The following IFIT3 variants were observed in gnomAD, a reference collection of about 807,000 sequenced individuals.
The protein encoded by IFIT3 is interferon induced protein with tetratricopeptide repeats 3.
Under a neutral mutation model 2.4 loss-of-function variants are expected in IFIT3, and 2 were observed. The ratio of observed to expected loss-of-function variants is 0.82; its 90% confidence interval spans 0.34 to 2.60. The LOEUF (loss-of-function observed/expected upper bound fraction) is 2.60. Ranked by LOEUF, IFIT3 falls within the 30% of genes most tolerant of loss-of-function variation. IFIT3 has a pLI of 0.11. For missense variants in IFIT3, 481 were observed against 562.4 expected (o/e 0.86, Z 1.46); for synonymous variants, 203 against 212.1 (o/e 0.96, Z 0.37).
chr10:89,329,285 C>T (rs1843627129), intron 1 of IFIT3, among the ~76,000 whole-genome samples: 1 of 152,150 alleles, frequency 6.6e-6, no homozygotes. Flanking sequence ...CTGCCAAATA[C>T]CTCAGTATAT....
Position 89,339,736 on chromosome 10 carries a change from C to A in IFIT3, c.1081C>A (p.His361Asn). The change falls in exon 2 of 2, where the codon CAT (histidine) becomes AAT (asparagine). Residue 361 changes from histidine to asparagine, a missense_variant. By Grantham distance (68) the His-to-Asn change is moderately conservative. Coordinates refer to ENST00000371818, the MANE Select transcript of IFIT3 (RefSeq NM_001549.6). ...CCCTGATGCTGAAAAGCAACAATCC[C>A]ATCAGCGCTACTGCAACCTTCAGAA... Reference protein sequence around the residue: ...EVPDAEKQQSHQRYCNLQKYN... With the variant: ...EVPDAEKQQSNQRYCNLQKYN... 1 of 1,614,152 alleles carries A rather than the reference C, an allele frequency of 6.2e-7. No homozygotes were observed. Among genetic ancestry groups the A allele is most frequent in the South Asian group, 1.1e-5 (1 of 91,084 alleles).
At chr10:89,332,891 G>C (rs12766862) in intron 1 of IFIT3, among the ~76,000 whole-genome samples, 41,406 of 152,114 alleles carry the variant, frequency 0.27, 5,934 homozygotes, top group African/African-American at 0.33. Context: ...ATGCTCAGAT[G>C]CTTTCAGGTA....
chr10:89,339,543 A>T lies in IFIT3; in HGVS notation c.888A>T (p.Gly296=). 6.2e-7 allele frequency: 1 copy of T among 1,614,182 alleles called. No homozygotes were observed. The highest frequency in any genetic ancestry group is 1.1e-5 in the South Asian group (1 of 91,082). The part of the protein sequence containing the change: ...KAKVRQMQNT[G]ESEASGNKEM... ...AAGTAAGACAAATGCAGAATACAGG[A>T]GAATCTGAAGCTAGTGGAAATAAAG... The change falls in exon 2 of 2, where the codon GGA becomes GGT. Residue 296 remains glycine (G), a synonymous_variant. Transcript: ENST00000371818.
intron 1 of IFIT3, among the ~76,000 whole-genome samples, chr10:89,329,359 T>A (rs1311130643): frequency 6.6e-6 from 1 of 152,082 alleles, no homozygotes; most frequent in Non-Finnish European, 1.5e-5. Context: ...TCTGTGTGAG[T>A]GGGATTGACC....
chr10:89,339,818 T>TA lies in IFIT3; in HGVS notation c.1165dup (p.Ser389LysfsTer6). On this transcript the variant is annotated frameshift_variant, in exon 2 of 2. Transcript: ENST00000371818. LOFTEE classifies it low-confidence loss of function (END_TRUNC). ...CAACATGGTTTAGAGGGTTTGTCCA[T>TA]AAGCAAAAAATCAACTGACAAGGAA... 1 of 1,614,144 alleles carries TA rather than the reference T, an allele frequency of 6.2e-7. No individual in the cohort carries two copies. The highest frequency in any genetic ancestry group is 1.1e-5 in the South Asian group (1 of 91,086).
chr10:89,328,609 G>T (rs1437277905), intron 1 of IFIT3, among the ~76,000 whole-genome samples: 1 of 152,156 alleles, frequency 6.6e-6, no homozygotes, highest in Admixed American at 6.5e-5. Flanking sequence ...ATTTTGCCCT[G>T]AAACGTTGCA....
In IFIT3 at chr10:89,340,331, G is replaced by C; in HGVS notation, c.*203G>C. The C allele has an allele frequency of 2.2e-6, 1 of 460,768 alleles. No homozygotes were observed. Among genetic ancestry groups the C allele is most frequent in the Non-Finnish European group, 3.8e-6 (1 of 260,376 alleles). The allele number at this position is 460,768 out of a possible 1,614,324, so 28.5% of individuals were successfully genotyped here. The stretch of plus-strand genomic sequence containing the variant: ...CCCAGCACTTTGGGAGGCCGAGGTG[G>C]GCGGATCACGAGGTCTGGAGTTTGA... On this transcript the variant is annotated 3_prime_UTR_variant, in exon 2 of 2. Transcript: ENST00000371818.
intron 1 of IFIT3, among the ~76,000 whole-genome samples, chr10:89,331,425 G>A (rs182741667): frequency 4.1e-4 from 62 of 152,242 alleles, no homozygotes; most frequent in Admixed American, 4.1e-3. Context: ...CACCCACCTT[G>A]GCCTCCCAAA....
At chr10:89,334,377 T>C (rs1243820227) in intron 1 of IFIT3, among the ~76,000 whole-genome samples, 3 of 151,594 alleles carry the variant, frequency 2.0e-5, no homozygotes, top group African/African-American at 7.3e-5. Flanking sequence ...CCTATCTCCC[T>C]AAGGTCTTCT....
rs775465056 is a variant in IFIT3, at chr10:89,340,152, C to G, written c.*24C>G. On this transcript the variant is annotated 3_prime_UTR_variant, in exon 2 of 2. Coordinates refer to ENST00000371818, the MANE Select transcript of IFIT3 (RefSeq NM_001549.6). ...GAGACAGAGGAGGAAAACAGAGCAT[C>G]AGAAGCCTGCAGTGGTGGTTGTGAC... 22 of 1,548,370 alleles carry G rather than the reference C, an allele frequency of 1.4e-5. No individual in the cohort carries two copies. The South Asian group carries it at 2.3e-4, about 17-fold the overall frequency.
rs762312537 is a variant in IFIT3 at position 89,338,998 on chromosome 10, A to G, written c.343A>G (p.Ile115Val). 6.2e-7 allele frequency: 1 copy of G among 1,614,222 alleles called. No individual in the cohort carries two copies. The highest frequency in any genetic ancestry group is 1.3e-5 in the African/African-American group (1 of 75,072). Reference sequence around the variant, plus strand: ...CTTGGGCAGACTCTCAGATGCTCAGATTTATGTAGATAAGGTGAAACAAAC... The same window carrying G: ...CTTGGGCAGACTCTCAGATGCTCAGGTTTATGTAGATAAGGTGAAACAAAC... ...YHLGRLSDAQ[I>V]YVDKVKQTCK... Residue 115 changes from isoleucine (I) to valine (V), a missense_variant, in exon 2 of 2, where the codon ATT becomes GTT. Ile to Val is a conservative substitution (Grantham distance 29). Coordinates refer to ENST00000371818, the MANE Select transcript of IFIT3 (RefSeq NM_001549.6).
chr10:89,332,671 G>C, intron 1 of IFIT3: 1 of 1,580,480 alleles, frequency 6.3e-7, no homozygotes, highest in Non-Finnish European at 8.7e-7. Context: ...AATTTCTTAT[G>C]TACAACTTCC....
chr10:89,339,219 G>C lies in IFIT3; in HGVS notation c.564G>C (p.Glu188Asp). The C allele has an allele frequency of 3.1e-6, 5 of 1,614,198 alleles. No individual in the cohort carries two copies. The highest frequency in any genetic ancestry group is 4.2e-6 in the Non-Finnish European group (5 of 1,180,026). The change falls in exon 2 of 2, where the codon GAG (glutamate) becomes GAC (aspartate). Residue 188 changes from glutamate to aspartate, a missense_variant. Physicochemically the swap from Glu to Asp is conservative, Grantham distance 45. Transcript: ENST00000371818. ...TGTACCATCTGGATAATCACCCAGA[G>C]AAACAGTTCTCTACTGATGTTTTGA... ...IAMYHLDNHPEKQFSTDVLKQ... is the reference protein window; with the variant it reads ...IAMYHLDNHPDKQFSTDVLKQ...
chr10:89,332,483 C>T lies in IFIT3; in HGVS notation c.5+4405C>T, dbSNP rs1443717868. 5.8e-6 allele frequency: 9 copies of T among 1,542,842 alleles called. No individual in the cohort carries two copies. In the East Asian group the frequency reaches 1.9e-4, roughly 33 times the overall value. ...TCTTGATAGGGTTCCATCAGTTTCA[C>T]TTTCCTTTCCCCTTTCATAAAAGCA... On this transcript the variant is annotated intron_variant, in intron 1 of 1. Transcript: ENST00000371818.
chr10:89,339,407 A>G lies in IFIT3; in HGVS notation c.752A>G (p.Tyr251Cys). 1 of 1,614,212 alleles carries G rather than the reference A, an allele frequency of 6.2e-7. No homozygotes were observed. Among genetic ancestry groups the G allele is most frequent in the South Asian group, 1.1e-5 (1 of 91,088 alleles). Residue 251 changes from tyrosine (Y) to cysteine (C), a missense_variant, in exon 2 of 2, where the codon TAC becomes TGC. Transcript: ENST00000371818. ...TDVLRSAAKF[Y>C]RRKGDLDKAI... Reference sequence around the variant, plus strand: ...GTCCTCCGCAGTGCAGCCAAATTTTACAGAAGAAAAGGTGACCTAGACAAA... The same window carrying G: ...GTCCTCCGCAGTGCAGCCAAATTTTGCAGAAGAAAAGGTGACCTAGACAAA...
chr10:89,333,117 T>C (rs944413744), intron 1 of IFIT3, among the ~76,000 whole-genome samples: 28 of 152,338 alleles, frequency 1.8e-4, no homozygotes, highest in African/African-American at 6.7e-4. Flanking sequence ...TACCTTGAAA[T>C]GCACTTTTTC....
Position 89,337,553 on chromosome 10 carries a change from C to T in IFIT3, c.6-1108C>T, listed in dbSNP as rs144173071. ...TGGCGAGGACTACAGGCATGTACTA[C>T]CATCCCTGGCTAATTTTTGTATTTT... On this transcript the variant is annotated intron_variant, in intron 1 of 1. Coordinates refer to ENST00000371818, the MANE Select transcript of IFIT3 (RefSeq NM_001549.6). 5.7e-3 allele frequency among the ~76,000 whole-genome samples: 875 copies of T among 152,318 alleles called. 4 individuals carry two copies. Among genetic ancestry groups the T allele is most frequent in the Middle Eastern group, 0.027 (8 of 294 alleles).
intron 1 of IFIT3, among the ~76,000 whole-genome samples, chr10:89,336,449 A>G (rs1843741776): frequency 6.6e-6 from 1 of 152,206 alleles, no homozygotes; most frequent in South Asian, 2.1e-4. Context: ...TTCATGTGCA[A>G]TCATATTGGG....
intron 1 of IFIT3, among the ~76,000 whole-genome samples, chr10:89,334,475 A>ATTCTTTTTTTTTTTTTTTTTT (rs1843699536): frequency 4.0e-5 from 1 of 24,868 alleles, no homozygotes; most frequent in Non-Finnish European, 7.4e-5. Context: ...TTTTTCTTTT[A>ATTCTTTTTTTTTTTTTTTTTT]TTCTTTTTTT....
Sources: gnomAD v4.1 joint callset for allele counts (sites outside exome capture counted in the v4.1 genomes callset) on GRCh38, gnomAD v4.1.1 for gene constraint, MANE v1.5 for transcripts, NCBI Gene and HGNC (gene_info 2026-07-23, HGNC 2026-07-21) for gene names.